TTC19: variants seen among roughly 807,000 people sequenced by gnomAD.
TTC19 encodes the protein tetratricopeptide repeat protein 19, mitochondrial.
TTC19 carries 38 observed loss-of-function variants against 49.5 expected under a neutral mutation model. The observed-to-expected ratio is 0.77, with a 90% CI of 0.59 to 1.01. The LOEUF is 1.01. Ranked by LOEUF, TTC19 falls within the 50% of genes least tolerant of loss-of-function variation. The pLI, the probability that TTC19 is intolerant of heterozygous loss-of-function variation, is 0.00. For synonymous variants in TTC19, 204 were observed against 185.2 expected (o/e 1.10, Z -0.83); for missense variants, 475 against 477.7 (o/e 0.99, Z 0.05).
At position 16,019,202 on chromosome 17, in the gene TTC19, G is replaced by A. The variant is rs140066469; in HGVS notation, c.677-5815G>A. 2.9e-3 allele frequency among the ~76,000 whole-genome samples: 437 copies of A among 152,164 alleles called. 21 individuals carry two copies. The East Asian group carries it at 0.05, about 17-fold the overall frequency. ...ACAAAAATTAGCCCAACATGGTGGC[G>A]GGCGCCTGTAATCCCCACTACTCGG... On this transcript the variant is annotated intron_variant, in intron 7 of 9. Coordinates refer to ENST00000261647, the MANE Select transcript of TTC19 (RefSeq NM_017775.4).
rs573083445 is a variant in TTC19 at position 16,002,612 on chromosome 17, G to A, written c.424-181G>A. 8.8e-5 allele frequency: 57 copies of A among 644,834 alleles called. No individual in the cohort carries two copies. The Middle Eastern group carries it at 1.2e-3, about 13-fold the overall frequency. 39.9% of individuals were successfully genotyped at this position (644,834 alleles called of 1,614,324 possible). A position where few individuals can be genotyped will look rare whatever the true frequency, so the allele number is the denominator to read the frequency against. ...TTTGTTAACAACAAAGTATGTGCAA[G>A]TATTTAATTCTCACATGATTGCTGT... On this transcript the variant is annotated intron_variant, in intron 3 of 9. Coordinates refer to ENST00000261647, the MANE Select transcript of TTC19 (RefSeq NM_017775.4).
rs758965029 is a variant in TTC19, at chr17:16,025,073, C to G, written c.733C>G (p.Arg245Gly). The G allele has an allele frequency of 1.2e-6, 2 of 1,613,728 alleles. No individual in the cohort carries two copies. Among genetic ancestry groups the G allele is most frequent in the Non-Finnish European group, 1.7e-6 (2 of 1,179,810 alleles). ...LLGMCLDACA[R>G]YLLFSKQPSQ... ...GGGCATGTGCTTAGACGCCTGTGCTCGCTACCTTCTGTTCTCCAAGCAGCC... is the reference window on the plus strand; with the variant it reads ...GGGCATGTGCTTAGACGCCTGTGCTGGCTACCTTCTGTTCTCCAAGCAGCC... The change falls in exon 8 of 10, where the codon CGC (arginine) becomes GGC (glycine). Residue 245 changes from arginine (R) to glycine (G), a missense_variant. Arg to Gly is a moderately radical substitution (Grantham distance 125, BLOSUM62 -2). Transcript: ENST00000261647.
At chr17:16,032,200 G>C, downstream of TTC19, 2 of 1,255,334 alleles carry the variant, frequency 1.6e-6, no homozygotes, top group Non-Finnish European at 2.1e-6. Context: ...CAGGGAATAA[G>C]TCACAGGAGG....
chr17:16,011,283 C>CA (rs1481104760), intron 7 of TTC19, among the ~76,000 whole-genome samples: 4 of 152,184 alleles, frequency 2.6e-5, no homozygotes, highest in African/African-American at 9.7e-5. Flanking sequence ...TGGGTTCAAG[C>CA]AATTCTCATG....
downstream of TTC19, among the ~76,000 whole-genome samples, chr17:16,033,737 T>C (rs1452644785): frequency 6.6e-6 from 1 of 152,192 alleles, no homozygotes; most frequent in Non-Finnish European, 1.5e-5. Context: ...AAATAGAAAA[T>C]AATAAGTATC....
At position 16,028,101 on chromosome 17, in the gene TTC19, GTGACAGTATAGCACCCATT is replaced by G. The variant is rs1322470003; in HGVS notation, c.*583_*601del. ...AAGTTGTAAAGTGGGGATTAGGCAC[GTGACAGTATAGCACCCATT>G]TGAATTTAAATAAAAGTGAACCATA... On this transcript the variant is annotated 3_prime_UTR_variant, in exon 10 of 10. Transcript: ENST00000261647. The G allele has an allele frequency of 2.0e-5, 9 of 453,932 alleles. No homozygotes were observed. Among genetic ancestry groups the G allele is most frequent in the Non-Finnish European group, 4.0e-5 (9 of 226,790 alleles). 28.1% of individuals were successfully genotyped at this position (453,932 alleles called of 1,614,324 possible). A position where few individuals can be genotyped will look rare whatever the true frequency, so the allele number is the denominator to read the frequency against.
At chr17:16,042,575 A>G (rs757588787) in intron 2 of TTC19, among the ~76,000 whole-genome samples, 9 of 152,224 alleles carry the variant, frequency 5.9e-5, no homozygotes, top group Non-Finnish European at 1.0e-4. Flanking sequence ...TAAGCAATCC[A>G]GGTGACTGGT....
Position 16,027,547 on chromosome 17 carries a change from AT to A in TTC19, c.*26del. On this transcript the variant is annotated 3_prime_UTR_variant, in exon 10 of 10. Transcript: ENST00000261647. ...AATCCATTTTTGTGTAGGGAGAATA[AT>A]GTCTAGTAATGTGGAAGAATAGCTA... is the stretch of plus-strand genomic sequence containing the variant. The A allele has an allele frequency of 6.2e-7, 1 of 1,612,158 alleles. No homozygotes were observed. The highest frequency in any genetic ancestry group is 1.1e-5 in the South Asian group (1 of 90,986).
chr17:16,013,287 T>G (rs890226379), intron 7 of TTC19, among the ~76,000 whole-genome samples: 2 of 152,256 alleles, frequency 1.3e-5, no homozygotes, highest in Admixed American at 1.3e-4. Context: ...TTTTCAGAAT[T>G]AGATCAGAAT....
chr17:16,026,801 G>C, intron 9 of TTC19, 99 bp downstream of exon 9: 1 of 1,209,686 alleles, frequency 8.3e-7, no homozygotes, highest in Non-Finnish European at 1.2e-6. Context: ...AAGGGCCAAC[G>C]AATAAACATG....
downstream of TTC19, chr17:16,031,522 A>T (rs1971994522): frequency 4.8e-6 from 1 of 210,124 alleles, no homozygotes; most frequent in South Asian, 1.9e-4. Flanking sequence ...ACAGTGAGGT[A>T]TGCCTCAAAT....
At chr17:16,010,530 A>G (rs1463719340) in intron 7 of TTC19, among the ~76,000 whole-genome samples, 1 of 150,818 alleles carries the variant, frequency 6.6e-6, no homozygotes, top group East Asian at 1.9e-4. Flanking sequence ...GCTGGAGTGC[A>G]GTGGCGTGAT....
chr17:16,006,579 C>T lies in TTC19; in HGVS notation c.676+11C>T, dbSNP rs952815594. 28 of 1,536,438 alleles carry T rather than the reference C, an allele frequency of 1.8e-5. No homozygotes were observed. Among genetic ancestry groups the T allele is most frequent in the Non-Finnish European group, 2.4e-5 (27 of 1,109,198 alleles). ...AAGACATTATGTCAGGTAGGAAACC[C>T]ATTATCTGGGCATTGCCTTTTCTCC... On this transcript the variant is annotated intron_variant, in intron 7 of 9. Coordinates refer to ENST00000261647, the MANE Select transcript of TTC19 (RefSeq NM_017775.4).
chr17:16,033,866 C>T (rs558687253), downstream of TTC19, among the ~76,000 whole-genome samples: 17 of 151,840 alleles, frequency 1.1e-4, no homozygotes, highest in Non-Finnish European at 1.9e-4. Flanking sequence ...AGTGCAGTGG[C>T]GCAATCTCAG....
At chr17:16,000,355 C>G (rs1200183028) in intron 2 of TTC19, 110 bp downstream of exon 2, 3 of 1,529,146 alleles carry the variant, frequency 2.0e-6, no homozygotes, top group Non-Finnish European at 2.6e-6. Context: ...TGGATGGAGG[C>G]TCCGCGGGTA....
intron 2 of TTC19, among the ~76,000 whole-genome samples, chr17:16,037,469 C>T (rs548506557): frequency 6.6e-6 from 1 of 152,088 alleles, no homozygotes; most frequent in South Asian, 2.1e-4. Context: ...GCCAGGATTT[C>T]ACTTGTAACA....
intron 4 of TTC19, 131 bp downstream of exon 4, chr17:16,002,962 G>T: frequency 1.1e-6 from 1 of 890,188 alleles, no homozygotes; most frequent in East Asian, 2.6e-5. Flanking sequence ...CAAGATAAAA[G>T]TGTATTTCTC....
At position 16,000,149 on chromosome 17, in the gene TTC19, A is replaced by AGAGGAGGAG. The variant is rs754869692; in HGVS notation, c.220_228dup (p.Glu74_Glu76dup). 3.8e-6 allele frequency: 6 copies of AGAGGAGGAG among 1,584,164 alleles called. No homozygotes were observed. The highest frequency in any genetic ancestry group is 5.1e-6 in the Non-Finnish European group (6 of 1,173,690). ...CCTGGTTCTCGAGGCCCGCTGCGGC[A>AGAGGAGGAG]GAGGAGGAGGAGCAGCAGGGAGCCG... On this transcript the variant is annotated inframe_insertion, in exon 2 of 10. Transcript: ENST00000261647.
downstream of TTC19, chr17:16,031,436 A>G (rs1282094664): frequency 5.1e-6 from 1 of 194,222 alleles, no homozygotes; most frequent in African/African-American, 2.3e-5. Context: ...ATTTCAAAAC[A>G]AAAGCTTTGT....
Sources: gnomAD v4.1 joint callset for allele counts (sites outside exome capture counted in the v4.1 genomes callset) on GRCh38, gnomAD v4.1.1 for gene constraint, MANE v1.5 for transcripts, NCBI Gene and HGNC (gene_info 2026-07-23, HGNC 2026-07-21) for gene names.